Variants in RRM2B observed in about 807,000 individuals in gnomAD.
RRM2B encodes ribonucleoside-diphosphate reductase subunit M2 B.
In RRM2B, 20 loss-of-function variants were observed where a neutral mutation model predicts 45.9. The observed-to-expected ratio is 0.44, with a 90% confidence interval of 0.31 to 0.63. RRM2B has a LOEUF of 0.63. RRM2B is among the 30% of genes least tolerant of loss of function. RRM2B has a pLI of 0.09. For missense variants in RRM2B, 320 were observed against 414.7 expected (o/e 0.77, Z 1.98); for synonymous variants, 124 against 132.3 (o/e 0.94, Z 0.43).
At chr8:102,225,100 T>G (rs1235655831) in intron 3 of RRM2B, 82 bp from the exon 4 acceptor site, 1 of 1,481,882 alleles carries the variant, frequency 6.7e-7, no homozygotes, top group African/African-American at 1.4e-5. Flanking sequence ...ACATCAGCAT[T>G]ATCGCTTAAA....
At position 102,207,258 on chromosome 8, in the gene RRM2B, T is replaced by TTC. The variant is rs1810560377; in HGVS notation, c.*873_*874dup. On this transcript the variant is annotated 3_prime_UTR_variant, in exon 9 of 9. Coordinates refer to ENST00000251810, the MANE Select transcript of RRM2B (RefSeq NM_015713.5). ...CTCATCTGACCACAGAATCCCCTTT[T>TTC]TCCCCCAAAAAAATATCTAGAGGAG... is the stretch of plus-strand genomic sequence containing the variant. 1 of 152,196 alleles carries TTC rather than the reference T, an allele frequency of 6.6e-6. No individual in the cohort carries two copies. Among genetic ancestry groups the TTC allele is most frequent in the South Asian group, 2.1e-4 (1 of 4,838 alleles). 9.4% of individuals were successfully genotyped at this position (152,196 alleles called of 1,614,324 possible). A position where few individuals can be genotyped will look rare whatever the true frequency, so the allele number is the denominator to read the frequency against.
At chr8:102,213,384 C>T (rs1036502051) in intron 7 of RRM2B, among the ~76,000 whole-genome samples, 4 of 152,018 alleles carry the variant, frequency 2.6e-5, no homozygotes, top group Non-Finnish European at 4.4e-5. Flanking sequence ...AGTGGTAAAG[C>T]GTTAATAGAG....
chr8:102,234,850 A>AAAAAC (rs1164239280), intron 1 of RRM2B: 1 of 154,890 alleles, frequency 6.5e-6, no homozygotes, highest in Admixed American at 6.5e-5. Flanking sequence ...CTCCATCTCA[A>AAAAAC]AAAACAAAAC....
At chr8:102,219,448 T>A (rs1046839512) in intron 5 of RRM2B, among the ~76,000 whole-genome samples, 1 of 151,992 alleles carries the variant, frequency 6.6e-6, no homozygotes, top group Non-Finnish European at 1.5e-5. Flanking sequence ...ATCTGCAATT[T>A]AAAAAAAATA....
chr8:102,227,210 A>G (rs1411361784), intron 2 of RRM2B, among the ~76,000 whole-genome samples: 2 of 152,174 alleles, frequency 1.3e-5, no homozygotes, highest in Non-Finnish European at 2.9e-5. Context: ...GGGAATGGAA[A>G]TATTTTTGAA....
chr8:102,212,030 T>A (rs1315720513), intron 8 of RRM2B, among the ~76,000 whole-genome samples: 1 of 152,260 alleles, frequency 6.6e-6, no homozygotes, highest in African/African-American at 2.4e-5. Flanking sequence ...TACCATGGTA[T>A]AGTACATAGT....
intron 5 of RRM2B, among the ~76,000 whole-genome samples, chr8:102,220,729 C>A (rs889599474): frequency 6.6e-5 from 10 of 152,262 alleles, no homozygotes; most frequent in Middle Eastern, 3.4e-3. Context: ...AGCCACTGTG[C>A]CTAGTGGAAA....
chr8:102,212,206 A>G (rs1315855878), intron 8 of RRM2B, among the ~76,000 whole-genome samples: 1 of 152,216 alleles, frequency 6.6e-6, no homozygotes, highest in Non-Finnish European at 1.5e-5. Context: ...ATAGTTAAGC[A>G]ACCTGCCAAA....
At chr8:102,211,726 GATT>G (rs1301511006) in intron 8 of RRM2B, among the ~76,000 whole-genome samples, 1 of 152,166 alleles carries the variant, frequency 6.6e-6, no homozygotes, top group Non-Finnish European at 1.5e-5. Context: ...AAGTTTAAGA[GATT>G]ATATTAATAT....
intron 8 of RRM2B, among the ~76,000 whole-genome samples, chr8:102,209,389 C>CA (rs1227701743): frequency 6.6e-6 from 1 of 152,146 alleles, no homozygotes; most frequent in Non-Finnish European, 1.5e-5. Flanking sequence ...AAAAGATGCT[C>CA]AGCATCCTTA....
chr8:102,218,552 TA>T (rs1178135743), intron 6 of RRM2B, among the ~76,000 whole-genome samples: 3 of 151,642 alleles, frequency 2.0e-5, no homozygotes, highest in East Asian at 3.9e-4. Flanking sequence ...GCCCTGTCTC[TA>T]AAAAAACTAA....
chr8:102,212,544 A>G (rs543919383), intron 8 of RRM2B, among the ~76,000 whole-genome samples: 1 of 152,360 alleles, frequency 6.6e-6, no homozygotes, highest in East Asian at 1.9e-4. Flanking sequence ...CAATTATTGC[A>G]AAATAATTTA....
rs180958065 is a variant in RRM2B at position 102,227,321 on chromosome 8, G to A, written c.205-1287C>T. Among the ~76,000 whole-genome samples the A allele has an allele frequency of 2.0e-5, 3 of 152,032 alleles. No individual in the cohort carries two copies. The East Asian group carries it at 5.8e-4, about 29-fold the overall frequency. On this transcript the variant is annotated intron_variant, in intron 2 of 8. Transcript: ENST00000251810. Reference sequence around the variant, plus strand: ...TGTTTATTTTTTTAATTTTTGAGATGGGGTTTCACTCCGTCACCCAGTCTG... The same window carrying A: ...TGTTTATTTTTTTAATTTTTGAGATAGGGTTTCACTCCGTCACCCAGTCTG...
At chr8:102,235,579 G>A (rs572471449) in intron 1 of RRM2B, among the ~76,000 whole-genome samples, 2 of 152,310 alleles carry the variant, frequency 1.3e-5, no homozygotes, top group Admixed American at 6.5e-5. Context: ...GGTGCCTCAC[G>A]CCTGTAATCC....
At chr8:102,218,464 T>TC (rs1810770166) in intron 6 of RRM2B, among the ~76,000 whole-genome samples, 1 of 152,118 alleles carries the variant, frequency 6.6e-6, no homozygotes. Context: ...ATGCCTGTAA[T>TC]CCCAGCACTT....
intron 2 of RRM2B, among the ~76,000 whole-genome samples, chr8:102,226,630 C>G (rs1205550975): frequency 6.6e-6 from 1 of 152,116 alleles, no homozygotes; most frequent in Non-Finnish European, 1.5e-5. Context: ...AATTAGGCAC[C>G]TATTAACCAA....
intron 5 of RRM2B, among the ~76,000 whole-genome samples, chr8:102,221,137 A>G (rs1810828499): frequency 6.6e-6 from 1 of 152,220 alleles, no homozygotes. Context: ...GGATGTCTCA[A>G]TTTTTAAAAA....
rs751831616 is a variant in RRM2B, at chr8:102,218,846, T to C, written c.652A>G (p.Thr218Ala). The C allele has an allele frequency of 8.1e-6, 13 of 1,613,582 alleles. No individual in the cohort carries two copies. Among genetic ancestry groups the C allele is most frequent in the Admixed American group, 3.3e-5 (2 of 59,944 alleles). The change falls in exon 6 of 9, where the codon ACT becomes GCT. Residue 218 changes from threonine (T) to alanine (A), a missense_variant. Physicochemically the swap from Thr to Ala is moderately conservative, Grantham distance 58 (BLOSUM62 0). Coordinates refer to ENST00000251810, the MANE Select transcript of RRM2B (RefSeq NM_015713.5). ...LKKRGLMPGL[T>A]FSNELISRDE... ...CTGCTGATGAGTTCATTGGAAAAAG[T>C]GAGTCCTGGCATAAGACCTCTCTTC...
In RRM2B at chr8:102,207,648, T is replaced by G. The variant is rs531379490; in HGVS notation, c.*485A>C. On this transcript the variant is annotated 3_prime_UTR_variant, in exon 9 of 9. Transcript: ENST00000251810. Reference sequence around the variant, plus strand: ...TTTTAAGGAAATGAGAGTATTTTATTACAACATCATTGCAATTAATATTAT... The same window carrying G: ...TTTTAAGGAAATGAGAGTATTTTATGACAACATCATTGCAATTAATATTAT... 3 of 153,764 alleles carry G rather than the reference T, an allele frequency of 2.0e-5. No individual in the cohort carries two copies. Among genetic ancestry groups the G allele is most frequent in the Non-Finnish European group, 4.3e-5 (3 of 69,026 alleles). The allele number at this position is 153,764 out of a possible 1,614,324, so 9.5% of individuals were successfully genotyped here.
Sources: allele counts gnomAD v4.1 joint callset (sites outside exome capture counted in the v4.1 genomes callset), GRCh38; gene constraint gnomAD v4.1.1; transcripts MANE v1.5; gene names NCBI Gene and HGNC (gene_info 2026-07-23, HGNC 2026-07-21).